The following GARNL3 variants were observed in gnomAD, a reference collection of about 807,000 sequenced individuals.
The protein encoded by GARNL3 is GTPase-activating Rap/Ran-GAP domain-like protein 3.
GARNL3 carries 63 observed loss-of-function variants against 125.0 expected under a neutral mutation model. The observed-to-expected ratio is 0.50, with a 90% confidence interval of 0.41 to 0.62. The LOEUF is 0.62. Among genes scored for constraint, GARNL3 ranks in the 20% least tolerant of loss-of-function variants. GARNL3 has a pLI of 0.00. For synonymous variants in GARNL3, 439 were observed against 457.5 expected (o/e 0.96, Z 0.52); for missense variants, 994 against 1,244.0 (o/e 0.80, Z 3.02).
At chr9:127,366,713 C>A (rs1387079186) in intron 22 of GARNL3, 1 of 152,012 alleles carries the variant, frequency 6.6e-6, no homozygotes, top group East Asian at 1.9e-4. Context: ...AGAATTAATC[C>A]CAAAGAAAAA....
At chr9:127,267,190 A>T (rs973506869) in intron 1 of GARNL3, among the ~76,000 whole-genome samples, 4 of 152,002 alleles carry the variant, frequency 2.6e-5, no homozygotes, top group Admixed American at 6.6e-5. Context: ...TCTTCAATCC[A>T]TTTGTTCACA....
chr9:127,285,889 AT>A (rs2064237705), intron 1 of GARNL3, among the ~76,000 whole-genome samples: 1 of 152,254 alleles, frequency 6.6e-6, no homozygotes, highest in African/African-American at 2.4e-5. Context: ...TGTATTTAAT[AT>A]ATTTCATTTA....
chr9:127,244,384 A>G (rs2131176161), intron 2 of GARNL3, among the ~76,000 whole-genome samples: 1 of 152,350 alleles, frequency 6.6e-6, no homozygotes, highest in African/African-American at 2.4e-5. Context: ...CCACAAAGCA[A>G]AGGCTCACAT....
intron 22 of GARNL3, among the ~76,000 whole-genome samples, chr9:127,377,906 C>A: frequency 6.6e-6 from 1 of 151,248 alleles, no homozygotes; most frequent in East Asian, 1.9e-4. Context: ...AGAGAAACAG[C>A]AAACTGGGGA....
chr9:127,369,691 G>A (rs770298529), intron 22 of GARNL3, among the ~76,000 whole-genome samples: 2 of 152,246 alleles, frequency 1.3e-5, no homozygotes, highest in South Asian at 2.1e-4. Context: ...GTTGTGAGGC[G>A]GTGGGAGAAG....
chr9:127,233,307 T>C (rs1163450273), intron 1 of GARNL3, among the ~76,000 whole-genome samples: 1 of 152,224 alleles, frequency 6.6e-6, no homozygotes, highest in African/African-American at 2.4e-5. Flanking sequence ...CTTGAACCAA[T>C]TGCTTTGGCT....
rs570098941 is a variant in GARNL3 at position 127,280,586 on chromosome 9, A to G, written c.145-10582A>G. 3.9e-5 allele frequency among the ~76,000 whole-genome samples: 6 copies of G among 152,316 alleles called. 1 individual carries two copies. The South Asian group carries it at 1.2e-3, about 32-fold the overall frequency. On this transcript the variant is annotated intron_variant, in intron 1 of 27. Transcript: ENST00000373387. The surrounding 1 kb of genome is among the most constrained non-coding windows in gnomAD (Gnocchi z 4.5). ...CAAATACGTTTCTCGATTCTTCTCC[A>G]TTGGCCGTATAGTAAGTAGAAAATG... is the stretch of plus-strand genomic sequence containing the variant.
intron 22 of GARNL3, among the ~76,000 whole-genome samples, chr9:127,374,744 TTCAATA>T (rs1392310266): frequency 2.0e-5 from 3 of 151,848 alleles, no homozygotes; most frequent in African/African-American, 7.3e-5. Flanking sequence ...TGAAAAGGTG[TTCAATA>T]TCATTAGCTA....
At chr9:127,273,474 A>G (rs1335213697) in intron 1 of GARNL3, among the ~76,000 whole-genome samples, 1 of 152,274 alleles carries the variant, frequency 6.6e-6, no homozygotes, top group Non-Finnish European at 1.5e-5. Context: ...AAGAATGTCC[A>G]TAAGGAGTTA....
intron 1 of GARNL3, among the ~76,000 whole-genome samples, chr9:127,268,444 C>T (rs2063749930): frequency 6.6e-6 from 1 of 152,212 alleles, no homozygotes; most frequent in Non-Finnish European, 1.5e-5. Flanking sequence ...TTCTCTGTGT[C>T]TGTATCACTC....
intron 22 of GARNL3, among the ~76,000 whole-genome samples, chr9:127,379,692 ATGTTT>A (rs1255913847): frequency 6.6e-6 from 1 of 152,230 alleles, no homozygotes; most frequent in African/African-American, 2.4e-5. Flanking sequence ...ACTGGTAAAG[ATGTTT>A]TGTTACATTC....
At chr9:127,314,330 G>A (rs139960578) in intron 4 of GARNL3, among the ~76,000 whole-genome samples, 15 of 152,272 alleles carry the variant, frequency 9.9e-5, no homozygotes, top group African/African-American at 2.9e-4. Context: ...TTCAAACCAG[G>A]TGCTGCCTGG....
intron 21 of GARNL3, among the ~76,000 whole-genome samples, chr9:127,358,761 C>T (rs1178331165): frequency 6.6e-6 from 1 of 152,114 alleles, no homozygotes; most frequent in Non-Finnish European, 1.5e-5. Flanking sequence ...TATACCACTG[C>T]CTGTGTTCCT....
chr9:127,370,107 G>A (rs1831525410), intron 22 of GARNL3, among the ~76,000 whole-genome samples: 1 of 152,216 alleles, frequency 6.6e-6, no homozygotes, highest in South Asian at 2.1e-4. Flanking sequence ...ACAACTGTAA[G>A]ACACTAAGAT....
intron 1 of GARNL3, among the ~76,000 whole-genome samples, chr9:127,241,083 A>G (rs1461553786): frequency 1.8e-4 from 27 of 152,308 alleles, no homozygotes. Flanking sequence ...GTTGCTCAGT[A>G]GTGGCTAGTG....
At chr9:127,348,849 G>A (rs984203492) in intron 16 of GARNL3, 75 bp from the exon 17 acceptor site, 2 of 980,350 alleles carry the variant, frequency 2.0e-6, no homozygotes, top group African/African-American at 1.6e-5. Context: ...GTGTGGTACT[G>A]TACATTTCCA....
At chr9:127,387,781 A>C (rs965550725) in intron 25 of GARNL3, among the ~76,000 whole-genome samples, 1 of 151,570 alleles carries the variant, frequency 6.6e-6, no homozygotes, top group Admixed American at 6.6e-5. Context: ...TTGCAGTCTG[A>C]ATACATGGTT....
rs142056475 is a variant in GARNL3 at position 127,258,396 on chromosome 9, T to C, written c.144-6556T>C. 2.4e-3 allele frequency among the ~76,000 whole-genome samples: 372 copies of C among 152,226 alleles called. 3 individuals carry two copies. The highest frequency in any genetic ancestry group is 8.6e-3 in the African/African-American group (359 of 41,544). ...GGCTCACGCCTGTAATCCCAACACT[T>C]TGGGAGGCCGAAGCAGATGGATTGC... On this transcript the variant is annotated intron_variant, in intron 2 of 10. Transcript: ENST00000439286.
rs1184195353 is a variant in GARNL3, at chr9:127,336,172, G to A, written c.918G>A (p.Val306=). The A allele has an allele frequency of 3.7e-6, 6 of 1,614,092 alleles. No homozygotes were observed. The highest frequency in any genetic ancestry group is 5.1e-6 in the Non-Finnish European group (6 of 1,179,966). The part of the protein sequence containing the change: ...RHIGNDIVTI[V]FQEGEESSPA... ...TTGGAAACGATATCGTCACCATTGT[G>A]TTCCAAGAAGGAGAGGAATCTTCTC... The change falls in exon 11 of 28, where the codon GTG becomes GTA. Residue 306 remains valine (V), a synonymous_variant. Transcript: ENST00000373387.
Sources: gnomAD v4.1 joint callset for allele counts (sites outside exome capture counted in the v4.1 genomes callset) on GRCh38, gnomAD v4.1.1 for gene constraint, Gnocchi (gnomAD v3.1) non-coding constraint, MANE v1.5 for transcripts, NCBI Gene and HGNC (gene_info 2026-07-23, HGNC 2026-07-21) for gene names.